SERINC5: variants seen among roughly 807,000 people sequenced by gnomAD.
The protein encoded by SERINC5 is serine incorporator 5, also known as chromosome 5 open reading frame 12.
In SERINC5, 41 loss-of-function variants were observed where a neutral mutation model predicts 63.1. The observed-to-expected ratio is 0.65, with a 90% CI of 0.51 to 0.84. The LOEUF (loss-of-function observed/expected upper bound fraction) is 0.84, where lower values mean the gene tolerates loss of function less well. SERINC5 is among the 40% of genes least tolerant of loss of function. The pLI, the probability that SERINC5 is intolerant of heterozygous loss-of-function variation, is 0.00. For synonymous variants in SERINC5, 222 were observed against 215.2 expected (o/e 1.03, Z -0.28); for missense variants, 523 against 573.0 (o/e 0.91, Z 0.89).
intron 1 of SERINC5, among the ~76,000 whole-genome samples, chr5:80,211,198 T>C (rs1750414728): frequency 1.3e-5 from 2 of 152,182 alleles, no homozygotes; most frequent in African/African-American, 4.8e-5. Context: ...GGTAAGCTCT[T>C]CAAGCACACG....
intron 11 of SERINC5, among the ~76,000 whole-genome samples, chr5:80,123,309 G>A (rs1433869626): frequency 1.3e-5 from 2 of 152,122 alleles, no homozygotes; most frequent in Non-Finnish European, 2.9e-5. Context: ...GTCTCACTAT[G>A]TTGCCCAGGC....
At chr5:80,111,821 G>C (rs933949562) in intron 12 of SERINC5, 1 of 152,264 alleles carries the variant, frequency 6.6e-6, no homozygotes, top group Non-Finnish European at 1.5e-5. Context: ...TTTGCCTTGA[G>C]ATGCTGTTAA....
chr5:80,233,091 G>A (rs1751525911), intron 1 of SERINC5, among the ~76,000 whole-genome samples: 1 of 152,154 alleles, frequency 6.6e-6, no homozygotes, highest in Non-Finnish European at 1.5e-5. Flanking sequence ...TTAAATGACT[G>A]GGCTGTATAT....
chr5:80,249,947 C>G (rs1302195572), intron 1 of SERINC5, among the ~76,000 whole-genome samples: 1 of 152,164 alleles, frequency 6.6e-6, no homozygotes, highest in Non-Finnish European at 1.5e-5. Context: ...AAAGTATCAT[C>G]ATGGAAATAA....
chr5:80,140,438 G>A lies in SERINC5; in HGVS notation c.*3225C>T. 2.0e-6 allele frequency: 2 copies of A among 984,320 alleles called. No individual in the cohort carries two copies. Among genetic ancestry groups the A allele is most frequent in the Non-Finnish European group, 2.4e-6 (2 of 829,704 alleles). The allele number at this position is 984,320 out of a possible 1,614,324, so 61.0% of individuals were successfully genotyped here. A position where few individuals can be genotyped will look rare whatever the true frequency, so the allele number is the denominator to read the frequency against. On this transcript the variant is annotated 3_prime_UTR_variant, in exon 12 of 12. Transcript: ENST00000507668. ...AATCGGAAATAAACAATGTTGTATGGAAACAGAACCCCAAAACCCCAATAA... is the reference window on the plus strand; with the variant it reads ...AATCGGAAATAAACAATGTTGTATGAAAACAGAACCCCAAAACCCCAATAA...
chr5:80,245,202 T>C (rs1249165152), intron 1 of SERINC5, among the ~76,000 whole-genome samples: 2 of 152,140 alleles, frequency 1.3e-5, no homozygotes, highest in African/African-American at 4.8e-5. Context: ...TTTCCTGAGG[T>C]GAGATTTCCT....
rs545300026 is a variant in SERINC5 at position 80,189,969 on chromosome 5, C to T, written c.196-11905G>A. On this transcript the variant is annotated intron_variant, in intron 2 of 11. Transcript: ENST00000507668. ...CACAAGATCCTCCCACTGCAGCATC[C>T]CCACACTGCTGGGATTATAGGTGGG... 1.7e-3 allele frequency among the ~76,000 whole-genome samples: 261 copies of T among 152,194 alleles called. 2 individuals carry two copies. The highest frequency in any genetic ancestry group is 4.0e-4 in the Non-Finnish European group (27 of 68,004).
chr5:80,206,732 C>T (rs112586725), intron 1 of SERINC5, among the ~76,000 whole-genome samples: 32 of 151,968 alleles, frequency 2.1e-4, no homozygotes, highest in Non-Finnish European at 1.9e-4. Flanking sequence ...ATACAACTGT[C>T]CCCTCCCCAC....
chr5:80,167,385 C>A (rs182002061), intron 6 of SERINC5, among the ~76,000 whole-genome samples: 3 of 152,292 alleles, frequency 2.0e-5, no homozygotes, highest in African/African-American at 7.2e-5. Flanking sequence ...CCTCCAGCCC[C>A]ATCCACGTTC....
At chr5:80,126,332 T>C (rs1006766550) in intron 11 of SERINC5, among the ~76,000 whole-genome samples, 1 of 152,198 alleles carries the variant, frequency 6.6e-6, no homozygotes, top group Non-Finnish European at 1.5e-5. Context: ...AGGTCCAAAC[T>C]GTACTAAATT....
chr5:80,155,938 C>A (rs1746494256), intron 8 of SERINC5, among the ~76,000 whole-genome samples: 1 of 151,952 alleles, frequency 6.6e-6, no homozygotes, highest in African/African-American at 2.4e-5. Context: ...TTCTTCTGAG[C>A]TGAGGCTACA....
chr5:80,205,987 A>C (rs1014697379), intron 1 of SERINC5, among the ~76,000 whole-genome samples: 1 of 151,548 alleles, frequency 6.6e-6, no homozygotes, highest in African/African-American at 2.4e-5. Context: ...AAAAAAAAAA[A>C]AAAAAAAACC....
In SERINC5 at chr5:80,146,080, G is replaced by A. The variant is rs1228558269; in HGVS notation, c.1238+10C>T. On this transcript the variant is annotated intron_variant, in intron 11 of 11. Transcript: ENST00000507668. ...TGCTTCAAAAATACCTAAGCAAATG[G>A]GCCACTCACTTGAACCAGTTGGTGA... 3 of 1,613,716 alleles carry A rather than the reference G, an allele frequency of 1.9e-6. No individual in the cohort carries two copies. The highest frequency in any genetic ancestry group is 2.5e-6 in the Non-Finnish European group (3 of 1,179,638).
Position 80,147,299 on chromosome 5 carries a change from G to C in SERINC5, c.1054-15C>G, listed in dbSNP as rs1392765559. On this transcript the variant is annotated splice_polypyrimidine_tract_variant and intron_variant, in intron 9 of 11. Transcript: ENST00000507668. ...CAGCGAGCTATCTGTGAAAGCAAAA[G>C]CAACAGTCAGGCGGCTTGTGTTCTA... The C allele has an allele frequency of 1.9e-6, 3 of 1,604,712 alleles. No individual in the cohort carries two copies. The highest frequency in any genetic ancestry group is 2.3e-5 in the South Asian group (2 of 88,556).
At chr5:80,158,687 A>G (rs2112345878) in intron 8 of SERINC5, 149 bp downstream of exon 8, 1 of 655,050 alleles carries the variant, frequency 1.5e-6, no homozygotes, top group East Asian at 2.7e-5. Context: ...AAGTTCAAAT[A>G]TGAGTTCACG....
intron 1 of SERINC5, among the ~76,000 whole-genome samples, chr5:80,250,568 C>T (rs1456076558): frequency 3.9e-5 from 6 of 152,214 alleles, no homozygotes; most frequent in Non-Finnish European, 8.8e-5. Flanking sequence ...TCTCGAACTC[C>T]GCCCACCTGA....
intron 7 of SERINC5, among the ~76,000 whole-genome samples, chr5:80,163,546 G>GT (rs796186802): frequency 0.016 from 2,331 of 143,528 alleles, 40 homozygotes; most frequent in African/African-American, 0.049. Context: ...TTTATTGAGG[G>GT]TTTTTTTTTT....
At chr5:80,246,551 A>T (rs1752177786) in intron 1 of SERINC5, among the ~76,000 whole-genome samples, 1 of 152,146 alleles carries the variant, frequency 6.6e-6, no homozygotes, top group African/African-American at 2.4e-5. Flanking sequence ...AAAACCCACA[A>T]ATTGTTTCAA....
chr5:80,127,560 T>C (rs1287272746), intron 11 of SERINC5, among the ~76,000 whole-genome samples: 3 of 152,194 alleles, frequency 2.0e-5, no homozygotes, highest in Non-Finnish European at 1.5e-5. Flanking sequence ...CAAAATGTCA[T>C]CTGAGTTTTC....
Sources: gnomAD v4.1 joint callset for allele counts (sites outside exome capture counted in the v4.1 genomes callset) on GRCh38, gnomAD v4.1.1 for gene constraint, MANE v1.5 for transcripts, NCBI Gene and HGNC (gene_info 2026-07-23, HGNC 2026-07-21) for gene names.